USP24: variants seen among roughly 807,000 people sequenced by gnomAD.
USP24 encodes the protein ubiquitin carboxyl-terminal hydrolase 24.
A neutral mutation model predicts 361.6 loss-of-function variants in USP24; 97 were observed. The ratio of observed to expected loss-of-function variants is 0.27; its 90% CI spans 0.23 to 0.32. The LOEUF is 0.32. Among genes scored for constraint, USP24 ranks in the 10% least tolerant of loss-of-function variants. The pLI is 1.00. For synonymous variants in USP24, 1,098 were observed against 1,124.6 expected (o/e 0.98, Z 0.47); for missense variants, 2,353 against 3,165.6 (o/e 0.74, Z 6.16).
chr1:55,176,437 G>T lies in USP24; in HGVS notation c.497C>A (p.Ser166Tyr). 1 of 1,568,464 alleles carries T rather than the reference G, an allele frequency of 6.4e-7. No individual in the cohort carries two copies. The highest frequency in any genetic ancestry group is 8.7e-7 in the Non-Finnish European group (1 of 1,154,934). ...ASTYLARLGL[S>Y]ESDENCRRFM... ...CCTTCTACAATTCTCATCAGACTCGGAAAGACCTTAGTAAAATGCATGAAA... is the reference window on the plus strand; with the variant it reads ...CCTTCTACAATTCTCATCAGACTCGTAAAGACCTTAGTAAAATGCATGAAA... The change falls in exon 3 of 68, where the codon TCC becomes TAC. Residue 166 changes from serine to tyrosine, a missense_variant. Physicochemically the swap from Ser to Tyr is moderately radical, Grantham distance 144 (BLOSUM62 -2). Coordinates refer to ENST00000294383, the MANE Select transcript of USP24 (RefSeq NM_015306.3).
rs530987874 is a variant in USP24 at position 55,137,948 on chromosome 1, T to A, written c.2929-44A>T. ...CACGTTGTGAGAGAATTCATTTATT[T>A]ATTCATTTAAACAACTGTGAGTGAA... On this transcript the variant is annotated intron_variant, in intron 26 of 67. Coordinates refer to ENST00000294383, the MANE Select transcript of USP24 (RefSeq NM_015306.3). The A allele has an allele frequency of 2.5e-5, 38 of 1,530,916 alleles. 1 individual carries two copies. The South Asian group carries it at 4.3e-4, about 17-fold the overall frequency. The allele number at this position is 1,530,916 out of a possible 1,614,324, so 94.8% of individuals were successfully genotyped here.
intron 28 of USP24, 72 bp from the exon 29 acceptor site, chr1:55,134,485 A>C (rs1646679324): frequency 7.4e-7 from 1 of 1,355,994 alleles, no homozygotes; most frequent in Non-Finnish European, 1.0e-6. Context: ...AAACTTACAA[A>C]CAATAAAAAT....
intron 38 of USP24, among the ~76,000 whole-genome samples, chr1:55,120,243 C>T (rs1208483479): frequency 6.6e-6 from 1 of 152,148 alleles, no homozygotes; most frequent in Non-Finnish European, 1.5e-5. Flanking sequence ...CACGGAGCTA[C>T]AAGATATCTG....
In USP24 at chr1:55,099,839, C is replaced by A. The variant is rs1299154186; in HGVS notation, c.5302G>T (p.Val1768Leu). ...IFKMWNKELY[V>L]REQQDAYEFF... ...TCATATGCATCCTGCTGTTCTCTCACATAAAGTTCTTTATTCCACATCTTG... is the reference window on the plus strand; with the variant it reads ...TCATATGCATCCTGCTGTTCTCTCAAATAAAGTTCTTTATTCCACATCTTG... The change falls in exon 45 of 68, where the codon GTG (valine) becomes TTG (leucine). Residue 1768 changes from valine (V) to leucine (L), a missense_variant. Around this residue, in one of 8 missense-constraint regions of USP24, gnomAD observed 105 missense variants for 200.3 expected, o/e 0.52. Transcript: ENST00000294383. 3 of 1,556,282 alleles carry A rather than the reference C, an allele frequency of 1.9e-6. No homozygotes were observed. In the South Asian group the frequency reaches 3.6e-5, roughly 18 times the overall value.
Position 55,152,845 on chromosome 1 carries a change from A to G in USP24, c.1860+1025T>C, listed in dbSNP as rs116852197. Among the ~76,000 whole-genome samples the G allele has an allele frequency of 1.9e-3, 292 of 152,280 alleles. 3 individuals are homozygous for G. The East Asian group carries it at 0.04, about 21-fold the overall frequency. ...CAAAGTTCTTCAATGCCCCCAACTA[A>G]ACTTTGTGATCAAACACAACATAAG... On this transcript the variant is annotated intron_variant, in intron 16 of 67. Transcript: ENST00000294383.
intron 31 of USP24, among the ~76,000 whole-genome samples, chr1:55,130,642 A>G (rs964808705): frequency 3.3e-5 from 5 of 152,154 alleles, no homozygotes; most frequent in Admixed American, 1.3e-4. Flanking sequence ...TGAGCATTAC[A>G]TGGGAGAAAA....
At chr1:55,126,587 T>A (rs1357403599) in intron 32 of USP24, among the ~76,000 whole-genome samples, 1 of 152,246 alleles carries the variant, frequency 6.6e-6, no homozygotes, top group Non-Finnish European at 1.5e-5. Context: ...CATACACAAA[T>A]AAGCCAAATG....
At chr1:55,077,955 A>G (rs903297801) in intron 61 of USP24, among the ~76,000 whole-genome samples, 1 of 152,238 alleles carries the variant, frequency 6.6e-6, no homozygotes, top group Non-Finnish European at 1.5e-5. Context: ...ATTAGTAAAT[A>G]GCAAAGAGAG....
At chr1:55,146,878 G>GAAATATTT in intron 19 of USP24, 51 bp downstream of exon 19, 1 of 1,600,536 alleles carries the variant, frequency 6.2e-7, no homozygotes, top group Non-Finnish European at 8.5e-7. Flanking sequence ...CAGAAAAAGT[G>GAAATATTT]AAATATTTAA....
intron 41 of USP24, among the ~76,000 whole-genome samples, chr1:55,105,762 C>T (rs555351652): frequency 1.3e-4 from 20 of 152,204 alleles, no homozygotes; most frequent in African/African-American, 2.9e-4. Context: ...ACTCAGCAAA[C>T]GACAAGGTTC....
rs761851488 is a variant in USP24 at position 55,141,689 on chromosome 1, C to T, written c.2677G>A (p.Val893Met). 3 of 1,611,626 alleles carry T rather than the reference C, an allele frequency of 1.9e-6. No homozygotes were observed. In the Admixed American group the frequency reaches 5.0e-5, roughly 27 times the overall value. ...ALGGPTLTHAVTRATKMLTAT... is the reference protein window; with the variant it reads ...ALGGPTLTHAMTRATKMLTAT... ...GTAAGCATTTTTGTTGCTCTGGTCA[C>T]AGCATGTGTTAGAGTGGGGCCACCA... The change falls in exon 24 of 68, where the codon GTG becomes ATG. Residue 893 changes from valine to methionine, a missense_variant. Coordinates refer to ENST00000294383, the MANE Select transcript of USP24 (RefSeq NM_015306.3).
Position 55,072,931 on chromosome 1 carries a change from G to A in USP24, c.7527-70C>T, listed in dbSNP as rs560975663. ...TGTTCCTAGTGCTTCATTTTGAAAC[G>A]TAAATGCTAGTTTCATTAAAATTCA... On this transcript the variant is annotated intron_variant, in intron 64 of 67. Coordinates refer to ENST00000294383, the MANE Select transcript of USP24 (RefSeq NM_015306.3). 8.1e-5 allele frequency: 111 copies of A among 1,376,634 alleles called. No individual in the cohort carries two copies. In the African/African-American group the frequency reaches 1.2e-3, roughly 15 times the overall value. The allele number at this position is 1,376,634 out of a possible 1,614,324, so 85.3% of individuals were successfully genotyped here.
rs771414278 is a variant in USP24 at position 55,068,002 on chromosome 1, C to A, written c.*1043G>T. The stretch of plus-strand genomic sequence containing the variant: ...TAGTCATGTTGAGGAGAAACAAATT[C>A]TCAAATTCCTTCTCTGCATTACAAT... On this transcript the variant is annotated 3_prime_UTR_variant, in exon 68 of 68. Coordinates refer to ENST00000294383, the MANE Select transcript of USP24 (RefSeq NM_015306.3). 6.6e-6 allele frequency: 1 copy of A among 152,216 alleles called. No homozygotes were observed. The highest frequency in any genetic ancestry group is 1.5e-5 in the Non-Finnish European group (1 of 68,040). The allele number at this position is 152,216 out of a possible 1,614,324, so 9.4% of individuals were successfully genotyped here.
At position 55,083,338 on chromosome 1, in the gene USP24, A is replaced by C; in HGVS notation, c.6909T>G (p.Leu2303=). 6.2e-7 allele frequency: 1 copy of C among 1,613,790 alleles called. No individual in the cohort carries two copies. The highest frequency in any genetic ancestry group is 2.2e-5 in the East Asian group (1 of 44,874). The part of the protein sequence containing the change: ...QKQGIRAGDL[L]LRHSALRHMI... ...TGTGCCGCAGAGCTGAATGCCTCAGAAGAAGATCTCCAGCCCTAATTCCTT... is the reference window on the plus strand; with the variant it reads ...TGTGCCGCAGAGCTGAATGCCTCAGCAGAAGATCTCCAGCCCTAATTCCTT... The change falls in exon 58 of 68, where the codon CTT becomes CTG. Residue 2303 remains leucine (L), a synonymous_variant. Transcript: ENST00000294383.
At chr1:55,084,937 T>A (rs936350054) in intron 56 of USP24, among the ~76,000 whole-genome samples, 3 of 152,206 alleles carry the variant, frequency 2.0e-5, no homozygotes, top group African/African-American at 7.2e-5. Flanking sequence ...TTTGGGTTGG[T>A]ACATGGGAGG....
intron 1 of USP24, among the ~76,000 whole-genome samples, chr1:55,191,449 C>T (rs1172918762): frequency 6.6e-6 from 1 of 151,316 alleles, no homozygotes; most frequent in African/African-American, 2.4e-5. Flanking sequence ...ACTGTTTGGA[C>T]TAAGGCTTAG....
At chr1:55,141,871 A>T (rs1646898924) in intron 23 of USP24, 140 bp from the exon 24 acceptor site, 1 of 743,510 alleles carries the variant, frequency 1.3e-6, no homozygotes, top group East Asian at 2.7e-5. Flanking sequence ...CCTGGCCTCT[A>T]CCTACTTAGG....
At chr1:55,080,831 A>G (rs1645134648) in intron 59 of USP24, among the ~76,000 whole-genome samples, 2 of 152,368 alleles carry the variant, frequency 1.3e-5, no homozygotes, top group South Asian at 4.1e-4. Flanking sequence ...TGTATCTTAC[A>G]TTCAAATATA....
At chr1:55,083,236 T>C (rs764884806) in intron 58 of USP24, 36 bp downstream of exon 58, 52 of 1,594,530 alleles carry the variant, frequency 3.3e-5, no homozygotes, top group Admixed American at 6.8e-5. Flanking sequence ...ATGAAAACCA[T>C]AGCTATTCCA....
Sources: allele counts gnomAD v4.1 joint callset (sites outside exome capture counted in the v4.1 genomes callset), GRCh38; gene constraint gnomAD v4.1.1; regional missense constraint gnomAD v4.1.1; transcripts MANE v1.5; gene names NCBI Gene and HGNC (gene_info 2026-07-23, HGNC 2026-07-21).